The following NRG3 variants were observed in gnomAD, a reference collection of about 807,000 sequenced individuals.
The protein encoded by NRG3 is neuregulin 3, also known as pro-neuregulin-3, membrane-bound isoform.
A neutral mutation model predicts 66.9 loss-of-function variants in NRG3; 31 were observed. That is an observed-to-expected ratio of 0.46 (90% confidence interval 0.35 to 0.63). NRG3 has a LOEUF of 0.63. Ranked by LOEUF, NRG3 falls within the 20% of genes least tolerant of loss-of-function variation. The pLI is 0.00. For synonymous variants in NRG3, 393 were observed against 359.4 expected (o/e 1.09, Z -1.06); for missense variants, 910 against 878.9 (o/e 1.04, Z -0.45).
chr10:82,726,541 G>A (rs570814983), intron 2 of NRG3, among the ~76,000 whole-genome samples: 80 of 152,226 alleles, frequency 5.3e-4, no homozygotes, highest in Non-Finnish European at 9.1e-4. Flanking sequence ...CATGTAAGAT[G>A]TGACTTGCTC....
At chr10:82,061,322 G>A (rs2133233150) in intron 1 of NRG3, among the ~76,000 whole-genome samples, 1 of 152,292 alleles carries the variant, frequency 6.6e-6, no homozygotes, top group East Asian at 1.9e-4. Context: ...CTGCTCTCCA[G>A]CCTGGGCAAC....
chr10:82,273,335 G>A (rs2078694082), intron 1 of NRG3, among the ~76,000 whole-genome samples: 2 of 151,910 alleles, frequency 1.3e-5, no homozygotes, highest in Non-Finnish European at 2.9e-5. Context: ...TCAGTTCTGT[G>A]TATCTAGTGC....
chr10:81,926,350 A>G (rs1432582243), intron 1 of NRG3, among the ~76,000 whole-genome samples: 2 of 151,960 alleles, frequency 1.3e-5, no homozygotes, highest in African/African-American at 4.8e-5. Flanking sequence ...TGAACTCCTG[A>G]CGTCAAGTAA....
At chr10:81,891,764 A>G (rs2068877) in intron 1 of NRG3, among the ~76,000 whole-genome samples, 11,890 of 152,188 alleles carry the variant, frequency 0.078, 572 homozygotes, top group East Asian at 0.13. Context: ...CTGCTCCTCA[A>G]TTGTTTGAGA....
chr10:82,200,241 G>T (rs142587459), intron 1 of NRG3, among the ~76,000 whole-genome samples: 1 of 152,188 alleles, frequency 6.6e-6, no homozygotes, highest in African/African-American at 2.4e-5. Flanking sequence ...TTGAGGTAGT[G>T]GTTGGTAGCA....
At chr10:82,298,241 GGAA>G (rs1431696491) in intron 1 of NRG3, among the ~76,000 whole-genome samples, 15 of 151,028 alleles carry the variant, frequency 9.9e-5, no homozygotes, top group African/African-American at 3.6e-4. Context: ...GAGGGAGGAA[GGAA>G]GAGATGGAGG....
At position 82,171,949 on chromosome 10, in the gene NRG3, CACAGCT is replaced by C. The variant is rs1407103779; in HGVS notation, c.824-186788_824-186783del. 5.3e-5 allele frequency among the ~76,000 whole-genome samples: 8 copies of C among 152,158 alleles called. No homozygotes were observed. The East Asian group carries it at 1.5e-3, about 29-fold the overall frequency. On this transcript the variant is annotated intron_variant, in intron 1 of 8. Transcript: ENST00000372141. ...GACATTTTTATCACTCAGCAATGTG[CACAGCT>C]AAAATACCAGGATTCATTTACATCA...
In NRG3 at chr10:82,658,994, T is replaced by C. The variant is rs186801896; in HGVS notation, c.954-79583T>C. ...CTAAATGGGAATGAGGAGGCTATAA[T>C]TGTTGACTCTTTGACAATGGAATTT... On this transcript the variant is annotated intron_variant, in intron 2 of 8. Coordinates refer to ENST00000372141, the MANE Select transcript of NRG3 (RefSeq NM_001010848.4). 3.3e-5 allele frequency among the ~76,000 whole-genome samples: 5 copies of C among 152,314 alleles called. No individual in the cohort carries two copies. In the East Asian group the frequency reaches 5.8e-4, roughly 18 times the overall value.
chr10:82,392,757 A>G (rs1245306324), intron 2 of NRG3, among the ~76,000 whole-genome samples: 2 of 152,134 alleles, frequency 1.3e-5, no homozygotes, highest in African/African-American at 2.4e-5. Flanking sequence ...CAGAACATGT[A>G]TCAGTGAGAT....
chr10:82,697,278 G>A (rs930389974), intron 2 of NRG3, among the ~76,000 whole-genome samples: 1 of 152,162 alleles, frequency 6.6e-6, no homozygotes, highest in Admixed American at 6.6e-5. Flanking sequence ...AAAAGTGTTA[G>A]GGAAGTCCGG....
chr10:82,863,214 T>G (rs961865221), intron 3 of NRG3, among the ~76,000 whole-genome samples: 2 of 151,974 alleles, frequency 1.3e-5, no homozygotes, highest in Non-Finnish European at 2.9e-5. Flanking sequence ...GACTGCATAG[T>G]ATTCTATGGT....
chr10:82,651,362 C>G (rs1031264200), intron 2 of NRG3, among the ~76,000 whole-genome samples: 5 of 152,084 alleles, frequency 3.3e-5, no homozygotes, highest in African/African-American at 9.7e-5. Context: ...AAAGATATGT[C>G]CAATAAAAGA....
chr10:82,891,559 G>T (rs1368846910), intron 4 of NRG3, among the ~76,000 whole-genome samples: 2 of 151,790 alleles, frequency 1.3e-5, no homozygotes, highest in African/African-American at 4.8e-5. Flanking sequence ...TAGATGATAT[G>T]AATTTTTAAA....
At chr10:82,849,710 A>C (rs2063476520) in intron 3 of NRG3, among the ~76,000 whole-genome samples, 1 of 152,156 alleles carries the variant, frequency 6.6e-6, no homozygotes, top group Non-Finnish European at 1.5e-5. Context: ...GGCTCTGAGG[A>C]AGAAGAATGT....
chr10:82,593,771 T>A (rs11195159), intron 2 of NRG3, among the ~76,000 whole-genome samples: 3,834 of 152,102 alleles, frequency 0.025, 76 homozygotes, highest in Non-Finnish European at 0.035. Context: ...CTATCAGGTA[T>A]TAAATATTAC....
Position 82,779,234 on chromosome 10 carries a change from G to C in NRG3, c.1027+40584G>C, listed in dbSNP as rs369807938. ...CACTGCAGGGTTTTTCAGTAACAAA[G>C]ATTATAGGTATCCACTGTGGTGATG... On this transcript the variant is annotated intron_variant, in intron 3 of 8. Transcript: ENST00000372141. Among the ~76,000 whole-genome samples the C allele has an allele frequency of 2.6e-5, 4 of 152,258 alleles. No individual in the cohort carries two copies. The East Asian group carries it at 7.7e-4, about 29-fold the overall frequency.
chr10:82,512,305 A>T (rs1221164187), intron 2 of NRG3, among the ~76,000 whole-genome samples: 2 of 151,344 alleles, frequency 1.3e-5, no homozygotes, highest in Non-Finnish European at 2.9e-5. Context: ...TTATTTTTTG[A>T]GATGGAGTTT....
chr10:82,952,296 G>A (rs1044112617), intron 5 of NRG3, among the ~76,000 whole-genome samples: 1 of 152,086 alleles, frequency 6.6e-6, no homozygotes, highest in African/African-American at 2.4e-5. Flanking sequence ...AGTTGGGCAT[G>A]GTGGCGTGCC....
At chr10:82,088,757 C>T (rs17099374) in intron 1 of NRG3, among the ~76,000 whole-genome samples, 6,043 of 152,132 alleles carry the variant, frequency 0.04, 153 homozygotes, top group East Asian at 0.1. Context: ...TGGCTGTACT[C>T]GACTTTTCCC....
Sources: allele counts gnomAD v4.1 joint callset (sites outside exome capture counted in the v4.1 genomes callset), GRCh38; gene constraint gnomAD v4.1.1; transcripts MANE v1.5; gene names NCBI Gene and HGNC (gene_info 2026-07-23, HGNC 2026-07-21).